Variants in PDSS2 observed in about 807,000 individuals in gnomAD.
PDSS2 encodes decaprenyl diphosphate synthase subunit 2.
PDSS2 carries 31 observed loss-of-function variants against 44.5 expected under a neutral mutation model. The observed-to-expected ratio is 0.70, with a 90% CI of 0.52 to 0.94. The LOEUF (loss-of-function observed/expected upper bound fraction) is 0.94. Among genes scored for constraint, PDSS2 ranks in the 40% least tolerant of loss-of-function variants. PDSS2 has a pLI of 0.00. For missense variants in PDSS2, 452 were observed against 482.2 expected (o/e 0.94, Z 0.59); for synonymous variants, 157 against 180.3 (o/e 0.87, Z 1.03).
rs193108174 is a variant in PDSS2 at position 107,275,457 on chromosome 6, C to A, written c.432-1230G>T. Among the ~76,000 whole-genome samples, 34 of 152,154 alleles carry A rather than the reference C, an allele frequency of 2.2e-4. 1 individual carries two copies. In the East Asian group the frequency reaches 6.4e-3, roughly 29 times the overall value. On this transcript the variant is annotated intron_variant, in intron 2 of 7. Coordinates refer to ENST00000369037, the MANE Select transcript of PDSS2 (RefSeq NM_020381.4). ...TTGGTTTCCAAGCTCCTGCATGATC[C>A]CCTTCCATGCCTGGCCATGTGACTT...
intron 7 of PDSS2, among the ~76,000 whole-genome samples, chr6:107,179,851 G>A (rs112840365): frequency 9.6e-4 from 146 of 152,216 alleles, no homozygotes; most frequent in African/African-American, 3.4e-3. Flanking sequence ...ATAGAGGAAT[G>A]GCTTCAGATG....
chr6:107,174,999 C>T (rs751809853), intron 7 of PDSS2, among the ~76,000 whole-genome samples: 1 of 151,992 alleles, frequency 6.6e-6, no homozygotes, highest in Non-Finnish European at 1.5e-5. Flanking sequence ...TGGATCATGA[C>T]GTCAGGAGTT....
chr6:107,382,473 A>T (rs1779482281), intron 1 of PDSS2, among the ~76,000 whole-genome samples: 1 of 152,218 alleles, frequency 6.6e-6, no homozygotes, highest in Admixed American at 6.5e-5. Flanking sequence ...ACAGCAATAA[A>T]GACAGTATAA....
chr6:107,201,313 T>C (rs945272364), intron 6 of PDSS2, among the ~76,000 whole-genome samples: 14 of 149,162 alleles, frequency 9.4e-5, no homozygotes, highest in African/African-American at 3.2e-4. Context: ...GACAAGATAG[T>C]GTGCCTGTGC....
At chr6:107,210,410 T>C (rs754069786) in intron 6 of PDSS2, 29 bp downstream of exon 6, 1 of 1,541,368 alleles carries the variant, frequency 6.5e-7, no homozygotes, top group Non-Finnish European at 9.0e-7. Flanking sequence ...TTACTACTGG[T>C]ACCTAAAACA....
At chr6:107,451,300 T>C (rs1781858814) in intron 1 of PDSS2, among the ~76,000 whole-genome samples, 1 of 152,152 alleles carries the variant, frequency 6.6e-6, no homozygotes, top group South Asian at 2.1e-4. Context: ...AGTATCCCAT[T>C]GTTGGTAGAA....
chr6:107,411,089 T>C (rs1007969048), intron 1 of PDSS2, among the ~76,000 whole-genome samples: 2 of 152,114 alleles, frequency 1.3e-5, no homozygotes, highest in African/African-American at 2.4e-5. Context: ...TTTTGCTATG[T>C]TGGCCAGGCT....
chr6:107,252,991 A>G (rs1183644199), intron 3 of PDSS2, among the ~76,000 whole-genome samples: 1 of 152,202 alleles, frequency 6.6e-6, no homozygotes, highest in Non-Finnish European at 1.5e-5. Context: ...AAAGATCTAA[A>G]TCAAAATTCC....
At chr6:107,244,811 T>C (rs1275536736) in intron 4 of PDSS2, among the ~76,000 whole-genome samples, 1 of 152,182 alleles carries the variant, frequency 6.6e-6, no homozygotes, top group East Asian at 1.9e-4. Context: ...ATCTTGCTAA[T>C]ACAGAAGCTA....
intron 4 of PDSS2, among the ~76,000 whole-genome samples, chr6:107,243,684 T>A (rs1481789832): frequency 6.6e-6 from 1 of 152,098 alleles, no homozygotes. Context: ...TTCACTAAAG[T>A]ACAGAAGATA....
chr6:107,333,091 T>A (rs1021958613), intron 2 of PDSS2, among the ~76,000 whole-genome samples: 32 of 152,052 alleles, frequency 2.1e-4, no homozygotes, highest in East Asian at 1.4e-3. Context: ...AAATAAAATT[T>A]AAAAAAAATA....
chr6:107,325,052 GA>G (rs557309041), intron 2 of PDSS2, among the ~76,000 whole-genome samples: 24 of 149,734 alleles, frequency 1.6e-4, no homozygotes, highest in African/African-American at 5.6e-4. Flanking sequence ...AAGGTTTATA[GA>G]AAAAAAAACG....
At chr6:107,249,211 C>T (rs1774730411) in intron 3 of PDSS2, among the ~76,000 whole-genome samples, 2 of 152,308 alleles carry the variant, frequency 1.3e-5, no homozygotes, top group Admixed American at 1.3e-4. Context: ...ACATAAGTTT[C>T]AGTGAGTGTT....
intron 7 of PDSS2, among the ~76,000 whole-genome samples, chr6:107,179,353 T>C (rs1369387985): frequency 6.6e-6 from 1 of 152,062 alleles, no homozygotes; most frequent in Admixed American, 6.6e-5. Context: ...TGATCTCAGC[T>C]CACTGCTGCC....
chr6:107,248,658 T>C (rs1374006498), intron 3 of PDSS2, among the ~76,000 whole-genome samples: 1 of 152,172 alleles, frequency 6.6e-6, no homozygotes, highest in African/African-American at 2.4e-5. Flanking sequence ...ATGCAATGAA[T>C]TGCAATAAAG....
intron 1 of PDSS2, among the ~76,000 whole-genome samples, chr6:107,394,580 A>G (rs1048046171): frequency 6.6e-6 from 1 of 152,188 alleles, no homozygotes; most frequent in Admixed American, 6.5e-5. Flanking sequence ...ACCAGGTCAC[A>G]TCTCCAACAC....
chr6:107,445,188 T>TTATATATATATATATATATATATATA (rs60071847), intron 1 of PDSS2, among the ~76,000 whole-genome samples: 6 of 149,824 alleles, frequency 4.0e-5, no homozygotes, highest in African/African-American at 1.5e-4. Context: ...ATTACATATT[T>TTATATATATATATATATATATATATA]TATATATATA....
intron 7 of PDSS2, among the ~76,000 whole-genome samples, chr6:107,180,860 T>C (rs1206565313): frequency 2.0e-5 from 3 of 152,174 alleles, no homozygotes; most frequent in African/African-American, 7.2e-5. Flanking sequence ...TATTTATGTA[T>C]TTATATTTGG....
chr6:107,171,155 C>T (rs1771560338), intron 7 of PDSS2, among the ~76,000 whole-genome samples: 1 of 151,960 alleles, frequency 6.6e-6, no homozygotes, highest in South Asian at 2.1e-4. Flanking sequence ...CTTTTTTGTT[C>T]TTTTTTTAAA....
Sources: gnomAD v4.1 joint callset for allele counts (sites outside exome capture counted in the v4.1 genomes callset) on GRCh38, gnomAD v4.1.1 for gene constraint, MANE v1.5 for transcripts, NCBI Gene and HGNC (gene_info 2026-07-23, HGNC 2026-07-21) for gene names.